Variants in GLIS3 observed in about 807,000 individuals in gnomAD.
GLIS3 encodes GLIS family zinc finger 3, also known as zinc finger protein GLIS3.
A neutral mutation model predicts 78.6 loss-of-function variants in GLIS3; 53 were observed. That is an observed-to-expected ratio of 0.67 (90% CI 0.54 to 0.85). GLIS3 has a LOEUF of 0.85. Among genes scored for constraint, GLIS3 ranks in the 40% least tolerant of loss-of-function variants. The pLI, the probability that GLIS3 is intolerant of heterozygous loss-of-function variation, is 0.00. For synonymous variants in GLIS3, 684 were observed against 509.9 expected (o/e 1.34, Z -4.60); for missense variants, 1,703 against 1,231.1 (o/e 1.38, Z -5.74).
intron 9 of GLIS3, among the ~76,000 whole-genome samples, chr9:3,830,624 A>G (rs1817991992): frequency 6.6e-6 from 1 of 152,224 alleles, no homozygotes; most frequent in Non-Finnish European, 1.5e-5. Context: ...AGGGATTAAT[A>G]GAGGAAGTAC....
chr9:4,368,053 A>G, the GLIS3 span, among the ~76,000 whole-genome samples: 1 of 152,204 alleles, frequency 6.6e-6, no homozygotes, highest in Non-Finnish European at 1.5e-5. Flanking sequence ...TAGGTAGCCC[A>G]AGTTAACCAG....
the GLIS3 span, among the ~76,000 whole-genome samples, chr9:4,487,010 C>G: frequency 5.9e-5 from 9 of 152,052 alleles, no homozygotes; most frequent in Admixed American, 1.3e-4. Flanking sequence ...ATGGTAGACA[C>G]TTTGGAAATG....
At chr9:3,918,061 C>T (rs1824639149) in intron 6 of GLIS3, among the ~76,000 whole-genome samples, 2 of 152,206 alleles carry the variant, frequency 1.3e-5, no homozygotes, top group South Asian at 2.1e-4. Context: ...GGACTGTAGA[C>T]TCTCAAACAA....
chr9:4,090,665 C>T (rs1829421171), intron 4 of GLIS3, among the ~76,000 whole-genome samples: 1 of 152,190 alleles, frequency 6.6e-6, no homozygotes, highest in Non-Finnish European at 1.5e-5. Flanking sequence ...ATTATGGCTC[C>T]ACCACTTGGT....
At chr9:4,197,502 C>G (rs959517963) in intron 2 of GLIS3, among the ~76,000 whole-genome samples, 3 of 152,072 alleles carry the variant, frequency 2.0e-5, no homozygotes, top group Non-Finnish European at 4.4e-5. Context: ...GAACTTAAGG[C>G]CAAGGAGGTT....
At chr9:4,447,901 C>A in the GLIS3 span, among the ~76,000 whole-genome samples, 1 of 152,216 alleles carries the variant, frequency 6.6e-6, no homozygotes, top group East Asian at 1.9e-4. Flanking sequence ...TTGTTTCTGT[C>A]CTTTTTAAAT....
chr9:4,431,813 C>T, the GLIS3 span, among the ~76,000 whole-genome samples: 9 of 147,794 alleles, frequency 6.1e-5, no homozygotes, highest in South Asian at 1.7e-3. Flanking sequence ...CATTGCACTC[C>T]AGCCTGGGCA....
At chr9:4,375,281 G>C in the GLIS3 span, among the ~76,000 whole-genome samples, 1 of 152,192 alleles carries the variant, frequency 6.6e-6, no homozygotes, top group Non-Finnish European at 1.5e-5. Flanking sequence ...TTCAGTAGAA[G>C]TAAAGGAGAT....
intron 2 of GLIS3, among the ~76,000 whole-genome samples, chr9:4,205,723 G>C (rs891499890): frequency 6.6e-6 from 1 of 152,168 alleles, no homozygotes. Flanking sequence ...AGTTACATGA[G>C]ACAAGAATTC....
chr9:4,327,688 G>A (rs150961133), intron 2 of GLIS3, among the ~76,000 whole-genome samples: 1 of 152,300 alleles, frequency 6.6e-6, no homozygotes, highest in African/African-American at 2.4e-5. Flanking sequence ...AACTCCAGGG[G>A]GCGCCATCCA....
chr9:3,995,532 T>C (rs996169819), intron 4 of GLIS3, among the ~76,000 whole-genome samples: 1 of 152,000 alleles, frequency 6.6e-6, no homozygotes, highest in African/African-American at 2.4e-5. Context: ...ATATCAGATA[T>C]ATAAGTATAA....
the GLIS3 span, among the ~76,000 whole-genome samples, chr9:4,404,984 T>A: frequency 6.6e-6 from 1 of 151,368 alleles, no homozygotes; most frequent in Non-Finnish European, 1.5e-5. Flanking sequence ...CCAGAGTAAC[T>A]AGGAAAAAAA....
At chr9:4,160,820 G>C (rs1358357993) in intron 2 of GLIS3, among the ~76,000 whole-genome samples, 1 of 152,136 alleles carries the variant, frequency 6.6e-6, no homozygotes, top group Non-Finnish European at 1.5e-5. Flanking sequence ...GACTTCAAAA[G>C]AATATTTAAA....
chr9:4,371,824 C>A, the GLIS3 span, among the ~76,000 whole-genome samples: 1 of 152,218 alleles, frequency 6.6e-6, no homozygotes, highest in East Asian at 1.9e-4. Context: ...CCCTGAAGAT[C>A]TGAACTTTTG....
intron 2 of GLIS3, among the ~76,000 whole-genome samples, chr9:4,207,333 C>G (rs960083983): frequency 8.5e-5 from 13 of 152,170 alleles, no homozygotes; most frequent in African/African-American, 3.1e-4. Context: ...AAGAGGAGCA[C>G]TCTTAACTTA....
intron 4 of GLIS3, among the ~76,000 whole-genome samples, chr9:4,025,075 C>T (rs1053683512): frequency 7.2e-5 from 8 of 110,722 alleles, no homozygotes; most frequent in African/African-American, 3.6e-5. Flanking sequence ...AATGGCGAGA[C>T]CCCCATCTCT....
chr9:4,286,690 T>C (rs1828031832), intron 1 of GLIS3, among the ~76,000 whole-genome samples, 167 bp from the exon 2 acceptor site: 2 of 152,210 alleles, frequency 1.3e-5, no homozygotes, highest in Admixed American at 1.3e-4. Context: ...TGGCAGGCAC[T>C]CTCCCCTTCT....
At chr9:3,849,493 G>C (rs1244485793) in intron 9 of GLIS3, among the ~76,000 whole-genome samples, 1 of 152,302 alleles carries the variant, frequency 6.6e-6, no homozygotes, top group East Asian at 1.9e-4. Context: ...TTCATGCTGT[G>C]ACCAGGAGGA....
At chr9:4,389,288 C>A in the GLIS3 span, among the ~76,000 whole-genome samples, 1 of 152,206 alleles carries the variant, frequency 6.6e-6, no homozygotes, top group South Asian at 2.1e-4. Context: ...AGCTCTGCTA[C>A]CCTGCCTTCA....
Sources: allele counts gnomAD v4.1 joint callset (sites outside exome capture counted in the v4.1 genomes callset), GRCh38; gene constraint gnomAD v4.1.1; transcripts MANE v1.5; gene names NCBI Gene and HGNC (gene_info 2026-07-23, HGNC 2026-07-21).